Variants in PTPRD observed in about 807,000 individuals in gnomAD.
PTPRD encodes protein tyrosine phosphatase receptor type D.
In PTPRD, 34 loss-of-function variants were observed where a neutral mutation model predicts 214.5. The ratio of observed to expected loss-of-function variants is 0.16; its 90% CI spans 0.12 to 0.21. The LOEUF (loss-of-function observed/expected upper bound fraction) is 0.21, where lower values mean the gene tolerates loss of function less well. Ranked by LOEUF, PTPRD falls within the 10% of genes least tolerant of loss-of-function variation. The pLI is 1.00. For missense variants in PTPRD, 2,545 were observed against 2,398.7 expected, an observed-to-expected ratio of 1.06 and a Z score of -1.27; for synonymous variants, 1,128 against 845.7, an observed-to-expected ratio of 1.33 and a Z score of -5.79.
chr9:8,762,890 A>G (rs2094495475), intron 11 of PTPRD, among the ~76,000 whole-genome samples: 2 of 152,182 alleles, frequency 1.3e-5, no homozygotes, highest in African/African-American at 4.8e-5. Context: ...CTTGGGAAAG[A>G]GGGTAACTGG....
chr9:8,937,119 G>C (rs2099003095), intron 11 of PTPRD, among the ~76,000 whole-genome samples: 1 of 152,034 alleles, frequency 6.6e-6, no homozygotes, highest in African/African-American at 2.4e-5. Flanking sequence ...TTGACTACCT[G>C]AGAAAAATGT....
At chr9:10,482,019 A>G (rs1436037303) in intron 2 of PTPRD, among the ~76,000 whole-genome samples, 2 of 152,274 alleles carry the variant, frequency 1.3e-5, no homozygotes, top group East Asian at 3.9e-4. Flanking sequence ...TGGAGTGAAA[A>G]AAAGAGGAAA....
rs1160332442 is a variant in PTPRD, at chr9:8,824,061, C to A, written c.-103-90115G>T. On this transcript the variant is annotated intron_variant, in intron 11 of 45. Coordinates refer to ENST00000381196, the MANE Select transcript of PTPRD (RefSeq NM_002839.4). ...TGTAGCAGTGAAGACAACCAGAGGT[C>A]ACTCTTGTCGCCACTTTGGTGTTGG... Among the ~76,000 whole-genome samples the A allele has an allele frequency of 3.3e-5, 5 of 152,170 alleles. No homozygotes were observed. The South Asian group carries it at 1.0e-3, about 32-fold the overall frequency.
chr9:8,339,553 G>C (rs565020057), intron 42 of PTPRD, among the ~76,000 whole-genome samples: 1 of 152,202 alleles, frequency 6.6e-6, no homozygotes, highest in Non-Finnish European at 1.5e-5. Context: ...TTAATGACTT[G>C]GCTAAACCCT....
intron 3 of PTPRD, among the ~76,000 whole-genome samples, chr9:10,051,973 T>C (rs1567336325): frequency 6.6e-6 from 1 of 152,102 alleles, no homozygotes; most frequent in Non-Finnish European, 1.5e-5. Flanking sequence ...GAGACAAGGT[T>C]TTGCTCTGTT....
intron 36 of PTPRD, among the ~76,000 whole-genome samples, chr9:8,392,375 A>G (rs2089895625): frequency 6.6e-6 from 1 of 151,926 alleles, no homozygotes; most frequent in Non-Finnish European, 1.5e-5. Flanking sequence ...AACACTAAAA[A>G]CTTGGCTGGA....
chr9:9,806,277 A>G (rs2099072565), intron 5 of PTPRD, among the ~76,000 whole-genome samples: 1 of 151,874 alleles, frequency 6.6e-6, no homozygotes, highest in Non-Finnish European at 1.5e-5. Flanking sequence ...ACAGTGCCAA[A>G]AAAAAAGGCA....
chr9:10,249,670 G>A (rs367800155), intron 3 of PTPRD, among the ~76,000 whole-genome samples: 3 of 152,036 alleles, frequency 2.0e-5, no homozygotes, highest in African/African-American at 2.4e-5. Flanking sequence ...TTTGTCTTAT[G>A]AGAAGCACTA....
At chr9:8,887,558 A>G (rs758195153) in intron 11 of PTPRD, among the ~76,000 whole-genome samples, 2 of 152,214 alleles carry the variant, frequency 1.3e-5, no homozygotes, top group African/African-American at 2.4e-5. Context: ...TCAATGTGTC[A>G]TAAAAAATAC....
chr9:9,587,170 A>G (rs1420183833), intron 7 of PTPRD, among the ~76,000 whole-genome samples: 1 of 152,006 alleles, frequency 6.6e-6, no homozygotes, highest in African/African-American at 2.4e-5. Flanking sequence ...CTACTATTTT[A>G]GTTGTATTAC....
chr9:8,335,582 C>T (rs554891310), intron 43 of PTPRD, among the ~76,000 whole-genome samples: 1 of 152,160 alleles, frequency 6.6e-6, no homozygotes, highest in Non-Finnish European at 1.5e-5. Context: ...AAAACTGGCA[C>T]AAGACAGGGA....
intron 35 of PTPRD, among the ~76,000 whole-genome samples, chr9:8,436,127 T>C (rs1352971897): frequency 1.3e-5 from 2 of 152,146 alleles, no homozygotes; most frequent in East Asian, 1.9e-4. Flanking sequence ...CATGATCTCA[T>C]TTATATGTGA....
intron 10 of PTPRD, among the ~76,000 whole-genome samples, chr9:9,054,868 C>T (rs1365672899): frequency 6.6e-6 from 1 of 152,066 alleles, no homozygotes; most frequent in African/African-American, 2.4e-5. Flanking sequence ...TAGTGTTGTG[C>T]AAGGGAACAC....
At chr9:8,928,580 G>GTACGATGCTGTT (rs58910166) in intron 11 of PTPRD, among the ~76,000 whole-genome samples, 2 of 149,428 alleles carry the variant, frequency 1.3e-5, no homozygotes, top group African/African-American at 2.4e-5. Flanking sequence ...TTTGGTACCA[G>GTACGATGCTGTT]TTGGTTACTC....
chr9:9,814,768 C>T (rs1169654349), intron 5 of PTPRD, among the ~76,000 whole-genome samples: 1 of 149,468 alleles, frequency 6.7e-6, no homozygotes, highest in Non-Finnish European at 1.5e-5. Context: ...GTATATGAAA[C>T]CATGAACGCT....
chr9:10,392,196 T>A (rs985188526), intron 2 of PTPRD, among the ~76,000 whole-genome samples: 2 of 151,924 alleles, frequency 1.3e-5, no homozygotes, highest in African/African-American at 4.8e-5. Flanking sequence ...GCATTTTCTA[T>A]CGTATAGCAA....
intron 11 of PTPRD, among the ~76,000 whole-genome samples, chr9:9,002,857 A>G (rs1332658066): frequency 6.6e-6 from 1 of 152,098 alleles, no homozygotes; most frequent in East Asian, 1.9e-4. Flanking sequence ...ACAATGTACC[A>G]ACGCTTCCTT....
At chr9:10,410,750 T>C (rs758489959) in intron 2 of PTPRD, among the ~76,000 whole-genome samples, 5 of 151,766 alleles carry the variant, frequency 3.3e-5, no homozygotes, top group African/African-American at 7.2e-5. Flanking sequence ...GTGTGATCAA[T>C]AGATATAAAA....
intron 4 of PTPRD, among the ~76,000 whole-genome samples, chr9:9,986,398 G>C (rs1312128250): frequency 2.0e-5 from 3 of 152,054 alleles, no homozygotes; most frequent in Non-Finnish European, 4.4e-5. Flanking sequence ...GGAATACTAT[G>C]TATTTATTGA....
Sources: allele counts gnomAD v4.1 joint callset (sites outside exome capture counted in the v4.1 genomes callset), GRCh38; gene constraint gnomAD v4.1.1; transcripts MANE v1.5; gene names NCBI Gene and HGNC (gene_info 2026-07-23, HGNC 2026-07-21).